ZNF385D: variants seen among roughly 807,000 people sequenced by gnomAD.
ZNF385D encodes the protein zinc finger protein 659.
Under a neutral mutation model 35.8 loss-of-function variants are expected in ZNF385D, and 15 were observed. That is an observed-to-expected ratio of 0.42 (90% confidence interval 0.28 to 0.64). The LOEUF (loss-of-function observed/expected upper bound fraction) is 0.64, where lower values mean the gene tolerates loss of function less well. ZNF385D is among the 30% of genes least tolerant of loss of function. The pLI is 0.23. For synonymous variants in ZNF385D, 212 were observed against 186.8 expected (o/e 1.13, Z -1.10); for missense variants, 474 against 494.6 (o/e 0.96, Z 0.39).
intron 3 of ZNF385D, among the ~76,000 whole-genome samples, chr3:22,061,424 C>A (rs767335560): frequency 6.6e-6 from 1 of 152,136 alleles, no homozygotes; most frequent in Non-Finnish European, 1.5e-5. Context: ...CACATCCCTG[C>A]TGGAAGTCCT....
intron 3 of ZNF385D, among the ~76,000 whole-genome samples, chr3:21,957,661 C>T (rs1406693056): frequency 1.3e-5 from 2 of 152,060 alleles, no homozygotes; most frequent in Non-Finnish European, 2.9e-5. Flanking sequence ...GCTTTGTCTC[C>T]AGTTCTCTGC....
At chr3:22,302,261 C>T (rs1443452815) in intron 2 of ZNF385D, among the ~76,000 whole-genome samples, 1 of 152,012 alleles carries the variant, frequency 6.6e-6, no homozygotes, top group African/African-American at 2.4e-5. Flanking sequence ...TGGGACTCCA[C>T]ATCTTCATCA....
At chr3:22,100,669 C>CA (rs1701885472) in intron 3 of ZNF385D, among the ~76,000 whole-genome samples, 1 of 112,590 alleles carries the variant, frequency 8.9e-6, no homozygotes, top group Admixed American at 1.3e-4. Context: ...GAACATCACA[C>CA]TCTGGGAATG....
At chr3:22,282,928 C>G (rs1701839338) in intron 2 of ZNF385D, among the ~76,000 whole-genome samples, 1 of 152,050 alleles carries the variant, frequency 6.6e-6, no homozygotes, top group African/African-American at 2.4e-5. Flanking sequence ...CAAGTATCTG[C>G]TATCTTCAAG....
chr3:21,421,239 G>C lies in ZNF385D; in HGVS notation c.1163C>G (p.Thr388Ser). ...PAPGPIRTAH[T>S]PVLFAPY ...TTAGTAAGGAGCAAACAGCACAGGA[G>C]TGTGGGCGGTCCGAATGGGTCCAGG... The change falls in exon 8 of 8, where the codon ACT (threonine) becomes AGT (serine). Residue 388 changes from threonine to serine, a missense_variant. Thr to Ser is a moderately conservative substitution (Grantham distance 58). Transcript: ENST00000281523. 1 of 1,614,068 alleles carries C rather than the reference G, an allele frequency of 6.2e-7. No individual in the cohort carries two copies. Among genetic ancestry groups the C allele is most frequent in the Non-Finnish European group, 8.5e-7 (1 of 1,179,992 alleles).
rs542521374 is a variant in ZNF385D, at chr3:22,249,816, A to G, written c.107-80781T>C. Among the ~76,000 whole-genome samples the G allele has an allele frequency of 2.6e-5, 4 of 152,264 alleles. No individual in the cohort carries two copies. The South Asian group carries it at 8.3e-4, about 32-fold the overall frequency. On this transcript the variant is annotated intron_variant, in intron 2 of 5. Transcript: ENST00000494108. The stretch of plus-strand genomic sequence containing the variant: ...GGGTTTTTTTCTGTTTATATTTAGG[A>G]CCACTAGAGTCCACCTGAAACAAGA...
intron 1 of ZNF385D, among the ~76,000 whole-genome samples, chr3:21,714,992 A>G (rs905085155): frequency 2.0e-5 from 3 of 152,184 alleles, no homozygotes; most frequent in African/African-American, 4.8e-5. Flanking sequence ...ATTTAGCAAA[A>G]TTCCTGAATA....
At chr3:22,304,693 A>T (rs1407426025) in intron 2 of ZNF385D, among the ~76,000 whole-genome samples, 3 of 152,126 alleles carry the variant, frequency 2.0e-5, no homozygotes, top group Non-Finnish European at 2.9e-5. Context: ...TTTTCTTAAA[A>T]ATGTCATATC....
At chr3:21,728,724 G>A (rs1259745823) in intron 1 of ZNF385D, among the ~76,000 whole-genome samples, 1 of 152,166 alleles carries the variant, frequency 6.6e-6, no homozygotes, top group South Asian at 2.1e-4. Context: ...AGGGGCAGAG[G>A]AGATTCAAGT....
chr3:22,358,357 G>A (rs1016900110), intron 2 of ZNF385D, among the ~76,000 whole-genome samples: 6 of 151,926 alleles, frequency 3.9e-5, no homozygotes, highest in Non-Finnish European at 8.8e-5. Flanking sequence ...CAAGGTGGCA[G>A]AGCCTCTGCA....
At chr3:22,037,310 T>A (rs542236121) in intron 3 of ZNF385D, among the ~76,000 whole-genome samples, 4 of 145,836 alleles carry the variant, frequency 2.7e-5, no homozygotes, top group Non-Finnish European at 6.1e-5. Flanking sequence ...ATGGTTGAAC[T>A]AGTTTACAGT....
intron 3 of ZNF385D, among the ~76,000 whole-genome samples, chr3:22,059,946 T>C (rs1404741130): frequency 1.3e-5 from 2 of 152,206 alleles, no homozygotes; most frequent in Admixed American, 6.5e-5. Context: ...AAGATCCAGA[T>C]AGACCTGGAT....
chr3:22,260,729 T>C (rs1700584111), intron 2 of ZNF385D, among the ~76,000 whole-genome samples: 2 of 152,000 alleles, frequency 1.3e-5, no homozygotes, highest in Admixed American at 1.3e-4. Flanking sequence ...ATTTACCTAA[T>C]ATAAAAATGC....
chr3:21,848,209 G>C (rs931386925), intron 3 of ZNF385D, among the ~76,000 whole-genome samples: 1 of 151,668 alleles, frequency 6.6e-6, no homozygotes, highest in African/African-American at 2.4e-5. Context: ...ATAATATTTC[G>C]ATCTATGTGT....
intron 2 of ZNF385D, among the ~76,000 whole-genome samples, chr3:22,184,029 C>T (rs1053395843): frequency 3.9e-5 from 6 of 152,096 alleles, no homozygotes; most frequent in Non-Finnish European, 8.8e-5. Flanking sequence ...ATATCAACTC[C>T]AATTCTCTGG....
At chr3:21,596,184 G>C (rs2064122764) in intron 2 of ZNF385D, among the ~76,000 whole-genome samples, 1 of 152,144 alleles carries the variant, frequency 6.6e-6, no homozygotes, top group Admixed American at 6.5e-5. Context: ...AGCCAACTCT[G>C]AATTTCAGTT....
intron 4 of ZNF385D, among the ~76,000 whole-genome samples, chr3:21,482,597 T>C (rs985664767): frequency 1.3e-5 from 2 of 152,202 alleles, no homozygotes; most frequent in Admixed American, 1.3e-4. Context: ...TTTTGCCCTT[T>C]TTCAAATTAG....
intron 3 of ZNF385D, among the ~76,000 whole-genome samples, chr3:22,133,251 T>C (rs759703326): frequency 1.3e-5 from 2 of 152,116 alleles, no homozygotes; most frequent in African/African-American, 2.4e-5. Flanking sequence ...CTTTTTTAAT[T>C]TCACAAGAAA....
intron 3 of ZNF385D, among the ~76,000 whole-genome samples, chr3:21,772,574 G>A (rs927670147): frequency 6.6e-6 from 1 of 151,850 alleles, no homozygotes; most frequent in Non-Finnish European, 1.5e-5. Context: ...TTGATGAAGA[G>A]GAGGAGAAAT....
Sources: gnomAD v4.1 joint callset for allele counts (sites outside exome capture counted in the v4.1 genomes callset) on GRCh38, gnomAD v4.1.1 for gene constraint, MANE v1.5 for transcripts, NCBI Gene and HGNC (gene_info 2026-07-23, HGNC 2026-07-21) for gene names.